Variants in TBL3 observed in about 807,000 individuals in gnomAD.
TBL3 encodes transducin beta-like protein 3.
Under a neutral mutation model 102.7 loss-of-function variants are expected in TBL3, and 71 were observed. The observed-to-expected ratio is 0.69, with a 90% CI of 0.57 to 0.84. TBL3 has a LOEUF of 0.84. Ranked by LOEUF, TBL3 falls within the 40% of genes least tolerant of loss-of-function variation. The probability of loss-of-function intolerance (pLI) is 0.00; values close to 1 mark genes in which losing one functional copy is unlikely to be tolerated. For synonymous variants in TBL3, 578 were observed against 477.7 expected, an observed-to-expected ratio of 1.21 and a Z score of -2.74; for missense variants, 1,188 against 1,098.5, an observed-to-expected ratio of 1.08 and a Z score of -1.15.
intron 1 of TBL3, 96 bp downstream of exon 1, chr16:1,972,301 G>T: frequency 8.2e-7 from 1 of 1,221,168 alleles, no homozygotes; most frequent in South Asian, 2.5e-5. Flanking sequence ...TGGGGTCCGT[G>T]GAGGCGAGAG....
chr16:1,975,405 C>G lies in TBL3; in HGVS notation c.772C>G (p.Pro258Ala). 6.2e-7 allele frequency: 1 copy of G among 1,613,962 alleles called. No homozygotes were observed. The highest frequency in any genetic ancestry group is 1.3e-5 in the African/African-American group (1 of 75,030). ...AGTGTCCCAGCTGGGTGTGAAGTCCCCAGGGCTGTACTTTCTGACAGCTGG... is the reference window on the plus strand; with the variant it reads ...AGTGTCCCAGCTGGGTGTGAAGTCCGCAGGGCTGTACTTTCTGACAGCTGG... Reference protein sequence around the residue: ...EPVSQLGVKSPGLYFLTAGDQ... With the variant: ...EPVSQLGVKSAGLYFLTAGDQ... Residue 258 changes from proline to alanine, a missense_variant, in exon 9 of 22, where the codon CCA becomes GCA. Physicochemically the swap from Pro to Ala is conservative, Grantham distance 27. Coordinates refer to ENST00000568546, the MANE Select transcript of TBL3 (RefSeq NM_006453.3).
chr16:1,975,639 G>A lies in TBL3; in HGVS notation c.916G>A (p.Val306Met), dbSNP rs145332775. 403 of 1,605,360 alleles carry A rather than the reference G, an allele frequency of 2.5e-4. 1 individual carries two copies. Among genetic ancestry groups the A allele is most frequent in the African/African-American group, 6.7e-4 (50 of 75,052 alleles). The part of the protein sequence containing the change: ...THCTLAHTAG[V>M]VLTATADHNL... Reference sequence around the variant, plus strand: ...CTGCACCCTGGCACACACCGCCGGCGTGGTCCTCACCGCCACCGCCGACCA... The same window carrying A: ...CTGCACCCTGGCACACACCGCCGGCATGGTCCTCACCGCCACCGCCGACCA... Residue 306 changes from valine to methionine, a missense_variant, in exon 10 of 22, where the codon GTG becomes ATG. Physicochemically the swap from Val to Met is conservative, Grantham distance 21. Transcript: ENST00000568546.
At chr16:1,975,315 A>G in intron 8 of TBL3, 30 bp from the exon 9 acceptor site, 1 of 1,613,978 alleles carries the variant, frequency 6.2e-7, no homozygotes, top group Non-Finnish European at 8.5e-7. Flanking sequence ...AGGGGGCATG[A>G]TAGCAGCCTG....
intron 14 of TBL3, 25 bp downstream of exon 14, chr16:1,976,986 G>A: frequency 1.9e-6 from 3 of 1,613,472 alleles, no homozygotes; most frequent in Non-Finnish European, 1.7e-6. Flanking sequence ...ACTGGGGTGG[G>A]GGTGTGGCCA....
chr16:1,978,987 C>T lies in TBL3; in HGVS notation c.*302C>T, dbSNP rs1490999957. 15 of 1,436,086 alleles carry T rather than the reference C, an allele frequency of 1.0e-5. No homozygotes were observed. In the East Asian group the frequency reaches 2.7e-4, roughly 26 times the overall value. 89.0% of individuals were successfully genotyped at this position (1,436,086 alleles called of 1,614,324 possible). Reference sequence around the variant, plus strand: ...CCCATCCCTGCTGGCCAGGGAGATCCGCCCTCCCCGCTCCTCCCCAGCCCT... The same window carrying T: ...CCCATCCCTGCTGGCCAGGGAGATCTGCCCTCCCCGCTCCTCCCCAGCCCT... On this transcript the variant is annotated 3_prime_UTR_variant, in exon 22 of 22. Coordinates refer to ENST00000568546, the MANE Select transcript of TBL3 (RefSeq NM_006453.3).
Position 1,980,656 on chromosome 16 carries a change from C to A in TBL3, c.*1971C>A. 6.2e-7 allele frequency: 1 copy of A among 1,605,282 alleles called. No individual in the cohort carries two copies. Reference sequence around the variant, plus strand: ...GCTCCCGTACCCAGGCTGGCCTGACCGAGAAGCTTTGGGAGAACGCGGTCA... The same window carrying A: ...GCTCCCGTACCCAGGCTGGCCTGACAGAGAAGCTTTGGGAGAACGCGGTCA... On this transcript the variant is annotated 3_prime_UTR_variant, in exon 22 of 22. Coordinates refer to ENST00000568546, the MANE Select transcript of TBL3 (RefSeq NM_006453.3).
At chr16:1,975,310 G>T (rs200048540) in intron 8 of TBL3, 35 bp from the exon 9 acceptor site, 36 of 1,613,812 alleles carry the variant, frequency 2.2e-5, no homozygotes, top group Non-Finnish European at 2.8e-5. Flanking sequence ...TGGGGAGGGG[G>T]CATGATAGCA....
chr16:1,979,183 G>T lies in TBL3; in HGVS notation c.*498G>T. ...CTCTGGATGGCGCCCGGCGAAGGTC[G>T]GGTGGGCACGGTGGGGGGAGGGGCG... On this transcript the variant is annotated 3_prime_UTR_variant, in exon 22 of 22. Coordinates refer to ENST00000568546, the MANE Select transcript of TBL3 (RefSeq NM_006453.3). 1.4e-6 allele frequency: 2 copies of T among 1,457,696 alleles called. No homozygotes were observed. The highest frequency in any genetic ancestry group is 9.0e-7 in the Non-Finnish European group (1 of 1,113,568). The allele number at this position is 1,457,696 out of a possible 1,614,324, so 90.3% of individuals were successfully genotyped here.
rs758988879 is a variant in TBL3, at chr16:1,978,989, C to CCCTCCCCGCT, written c.*312_*321dup. On this transcript the variant is annotated 3_prime_UTR_variant, in exon 22 of 22. Transcript: ENST00000568546. ...CATCCCTGCTGGCCAGGGAGATCCG[C>CCCTCCCCGCT]CCTCCCCGCTCCTCCCCAGCCCTGG... 514 of 1,443,114 alleles carry CCCTCCCCGCT rather than the reference C, an allele frequency of 3.6e-4. No homozygotes were observed. The highest frequency in any genetic ancestry group is 4.7e-4 in the Non-Finnish European group (506 of 1,084,800). 89.4% of individuals were successfully genotyped at this position (1,443,114 alleles called of 1,614,324 possible).
chr16:1,977,205 C>A lies in TBL3; in HGVS notation c.1592C>A (p.Pro531His), dbSNP rs1247210040. The change falls in exon 15 of 22, where the codon CCC becomes CAC. Residue 531 changes from proline to histidine, a missense_variant. By Grantham distance (77) the Pro-to-His change is moderately conservative. Coordinates refer to ENST00000568546, the MANE Select transcript of TBL3 (RefSeq NM_006453.3). ...GGCCTCTGGTGCGTCCAGTTCTCTC[C>A]CATGGACCAGGTGCTGGCCACGGCC... ...RRGLWCVQFSPMDQVLATASA... is the reference protein window; with the variant it reads ...RRGLWCVQFSHMDQVLATASA... 6.2e-7 allele frequency: 1 copy of A among 1,613,096 alleles called. No individual in the cohort carries two copies. The highest frequency in any genetic ancestry group is 8.5e-7 in the Non-Finnish European group (1 of 1,179,992).
Position 1,979,021 on chromosome 16 carries a change from G to A in TBL3, c.*336G>A, listed in dbSNP as rs1280095248. 5 of 1,522,872 alleles carry A rather than the reference G, an allele frequency of 3.3e-6. No homozygotes were observed. Among genetic ancestry groups the A allele is most frequent in the Non-Finnish European group, 4.4e-6 (5 of 1,141,730 alleles). 94.3% of individuals were successfully genotyped at this position (1,522,872 alleles called of 1,614,324 possible). A position where few individuals can be genotyped will look rare whatever the true frequency, so the allele number is the denominator to read the frequency against. On this transcript the variant is annotated 3_prime_UTR_variant, in exon 22 of 22. Coordinates refer to ENST00000568546, the MANE Select transcript of TBL3 (RefSeq NM_006453.3). ...CGCTCCTCCCCAGCCCTGGGATGGC[G>A]CGGTCCATCCCCTCATCGGGATCCT...
chr16:1,974,601 AC>A lies in TBL3; in HGVS notation c.304del (p.Arg102AlafsTer23). ...GTGGGCCTGGCAAGAGGGCAGCGTT[AC>A]CCGCCTGTGGAAGGCGATACACACG... is the stretch of plus-strand genomic sequence containing the variant. ...AQWAWQEGSVTRLWKAIHTAP... is the reference protein window; with the variant it reads ...AQWAWQEGSVXRLWKAIHTAP... On this transcript the variant is annotated frameshift_variant, in exon 5 of 22. Coordinates refer to ENST00000568546, the MANE Select transcript of TBL3 (RefSeq NM_006453.3). LOFTEE classifies it high-confidence loss of function. 1 of 1,599,422 alleles carries A rather than the reference AC, an allele frequency of 6.3e-7. No individual in the cohort carries two copies. Among genetic ancestry groups the A allele is most frequent in the Non-Finnish European group, 8.5e-7 (1 of 1,173,590 alleles).
Position 1,979,052 on chromosome 16 carries a change from T to G in TBL3, c.*367T>G. 6.5e-7 allele frequency: 1 copy of G among 1,545,076 alleles called. No individual in the cohort carries two copies. Among genetic ancestry groups the G allele is most frequent in the African/African-American group, 1.4e-5 (1 of 72,888 alleles). On this transcript the variant is annotated 3_prime_UTR_variant, in exon 22 of 22. Coordinates refer to ENST00000568546, the MANE Select transcript of TBL3 (RefSeq NM_006453.3). ...CATCCCCTCATCGGGATCCTCGCGCTCACTGCTCCGTCGTGGGGTGCGGCA... is the reference window on the plus strand; with the variant it reads ...CATCCCCTCATCGGGATCCTCGCGCGCACTGCTCCGTCGTGGGGTGCGGCA...
In TBL3 at chr16:1,979,602, C is replaced by T; in HGVS notation, c.*917C>T. 1 of 1,440,030 alleles carries T rather than the reference C, an allele frequency of 6.9e-7. No homozygotes were observed. The highest frequency in any genetic ancestry group is 9.6e-7 in the Non-Finnish European group (1 of 1,038,908). The allele number at this position is 1,440,030 out of a possible 1,614,324, so 89.2% of individuals were successfully genotyped here. A position where few individuals can be genotyped will look rare whatever the true frequency, so the allele number is the denominator to read the frequency against. ...CCACAGAGGACGAGGCCCGCCCGCA[C>T]CCTTCTCCACATTCTCCTTGCTTGA... On this transcript the variant is annotated 3_prime_UTR_variant, in exon 22 of 22. Transcript: ENST00000568546.
rs1281524398 is a variant in TBL3, at chr16:1,978,915, G to A, written c.*230G>A. Reference sequence around the variant, plus strand: ...CGGCTCCGCACGCTTAGACGGTGGGGGTCATGCAGAACAAGCTTTACTCAG... The same window carrying A: ...CGGCTCCGCACGCTTAGACGGTGGGAGTCATGCAGAACAAGCTTTACTCAG... On this transcript the variant is annotated 3_prime_UTR_variant, in exon 22 of 22. Transcript: ENST00000568546. The A allele has an allele frequency of 5.4e-6, 6 of 1,104,616 alleles. No individual in the cohort carries two copies. Among genetic ancestry groups the A allele is most frequent in the Non-Finnish European group, 6.4e-6 (5 of 782,070 alleles). The allele number at this position is 1,104,616 out of a possible 1,614,324, so 68.4% of individuals were successfully genotyped here. A position where few individuals can be genotyped will look rare whatever the true frequency, so the allele number is the denominator to read the frequency against.
In TBL3 at chr16:1,979,630, C is replaced by A; in HGVS notation, c.*945C>A. Reference sequence around the variant, plus strand: ...TTCTCCACATTCTCCTTGCTTGAGTCTGCTGACGGCGGGGCCGCTCTAAGA... The same window carrying A: ...TTCTCCACATTCTCCTTGCTTGAGTATGCTGACGGCGGGGCCGCTCTAAGA... On this transcript the variant is annotated 3_prime_UTR_variant, in exon 22 of 22. Coordinates refer to ENST00000568546, the MANE Select transcript of TBL3 (RefSeq NM_006453.3). 7.5e-7 allele frequency: 1 copy of A among 1,340,300 alleles called. No individual in the cohort carries two copies. The highest frequency in any genetic ancestry group is 1.0e-6 in the Non-Finnish European group (1 of 961,916). The allele number at this position is 1,340,300 out of a possible 1,614,324, so 83.0% of individuals were successfully genotyped here.
In TBL3 at chr16:1,980,624, C is replaced by T. The variant is rs1321574826; in HGVS notation, c.*1939C>T. The T allele has an allele frequency of 6.3e-7, 1 of 1,595,106 alleles. No individual in the cohort carries two copies. On this transcript the variant is annotated 3_prime_UTR_variant, in exon 22 of 22. Coordinates refer to ENST00000568546, the MANE Select transcript of TBL3 (RefSeq NM_006453.3). ...CTGGCGCCCCCAGGCAAGCCACCGCCTTCCCCGCTCCCGTACCCAGGCTGG... is the reference window on the plus strand; with the variant it reads ...CTGGCGCCCCCAGGCAAGCCACCGCTTTCCCCGCTCCCGTACCCAGGCTGG...
Position 1,974,834 on chromosome 16 carries a change from C to A in TBL3, c.451C>A (p.Pro151Thr), listed in dbSNP as rs2083386617. Residue 151 changes from proline to threonine, a missense_variant, in exon 6 of 22, where the codon CCC becomes ACC. Transcript: ENST00000568546. ...CGGGACACACCACTTCCGAGGCTCG[C>A]CCGGTGTCGTGCAGTGAGTTGGAAG... ...HYGTHHFRGS[P>T]GVVHLVAFHP... 2 of 1,613,124 alleles carry A rather than the reference C, an allele frequency of 1.2e-6. No homozygotes were observed. Among genetic ancestry groups the A allele is most frequent in the Non-Finnish European group, 8.5e-7 (1 of 1,179,988 alleles).
intron 18 of TBL3, 44 bp downstream of exon 18, chr16:1,977,844 C>G: frequency 6.4e-7 from 1 of 1,572,460 alleles, no homozygotes; most frequent in Non-Finnish European, 8.6e-7. Context: ...CAGCCCTGCT[C>G]TGTGCTGTAG....
Sources: allele counts gnomAD v4.1 joint callset, GRCh38; gene constraint gnomAD v4.1.1; transcripts MANE v1.5; gene names NCBI Gene and HGNC (gene_info 2026-07-23, HGNC 2026-07-21).